The following FAM178B variants were observed in gnomAD, a reference collection of about 807,000 sequenced individuals.
FAM178B encodes the protein family with sequence similarity 178 member B.
Under a neutral mutation model 91.7 loss-of-function variants are expected in FAM178B, and 82 were observed. That is an observed-to-expected ratio of 0.89 (90% CI 0.75 to 1.07). The LOEUF (loss-of-function observed/expected upper bound fraction) is 1.07, where lower values mean the gene tolerates loss of function less well. Among genes scored for constraint, FAM178B ranks in the 50% least tolerant of loss-of-function variants. FAM178B has a pLI of 0.00. For synonymous variants in FAM178B, 368 were observed against 359.4 expected (o/e 1.02, Z -0.27); for missense variants, 769 against 846.7 (o/e 0.91, Z 1.14).
At chr2:96,905,840 A>ATG (rs2081030816) in intron 12 of FAM178B, among the ~76,000 whole-genome samples, 1 of 27,678 alleles carries the variant, frequency 3.6e-5, no homozygotes, top group African/African-American at 9.9e-5. Context: ...ATATATATAT[A>ATG]TATATATATA....
chr2:96,914,159 G>C (rs532300965), intron 12 of FAM178B, among the ~76,000 whole-genome samples: 1 of 152,256 alleles, frequency 6.6e-6, no homozygotes, highest in South Asian at 2.1e-4. Context: ...TACTCATGGG[G>C]AGGGCTGGTC....
At chr2:96,893,558 G>A (rs532939872) in intron 14 of FAM178B, among the ~76,000 whole-genome samples, 14 of 151,968 alleles carry the variant, frequency 9.2e-5, no homozygotes, top group Admixed American at 4.6e-4. Flanking sequence ...ACAACCCTGC[G>A]CTTATCCTGA....
At chr2:96,951,303 C>T (rs1227296261) in intron 7 of FAM178B, 76 bp downstream of exon 7, 2 of 1,057,338 alleles carry the variant, frequency 1.9e-6, no homozygotes, top group African/African-American at 1.6e-5. Context: ...GAAGTGCCCA[C>T]CCCTCAGCCT....
chr2:96,878,250 TG>T (rs2080295599), intron 15 of FAM178B, among the ~76,000 whole-genome samples, 165 bp downstream of exon 15: 1 of 152,112 alleles, frequency 6.6e-6, no homozygotes, highest in Admixed American at 6.5e-5. Flanking sequence ...TGGGACACTG[TG>T]GGGAGGAAGA....
chr2:96,973,617 C>T (rs930275812), intron 1 of FAM178B, among the ~76,000 whole-genome samples: 3 of 152,174 alleles, frequency 2.0e-5, no homozygotes, highest in African/African-American at 7.2e-5. Flanking sequence ...TTACAAAAAA[C>T]AAACAACAAG....
intron 6 of FAM178B, among the ~76,000 whole-genome samples, chr2:96,959,878 TCA>T (rs1361562519): frequency 6.6e-6 from 1 of 152,162 alleles, no homozygotes; most frequent in African/African-American, 2.4e-5. Flanking sequence ...AGTGTCTGCA[TCA>T]CACACACACT....
At chr2:96,941,872 G>A (rs1010297342) in intron 8 of FAM178B, among the ~76,000 whole-genome samples, 28 of 152,134 alleles carry the variant, frequency 1.8e-4, no homozygotes, top group Admixed American at 5.9e-4. Flanking sequence ...CTAGGTTAAC[G>A]GACAGTCATA....
At chr2:96,877,515 G>T (rs1343155961) in intron 16 of FAM178B, among the ~76,000 whole-genome samples, 2 of 151,768 alleles carry the variant, frequency 1.3e-5, no homozygotes, top group Non-Finnish European at 2.9e-5. Context: ...GGATTCTCCT[G>T]CCTCAGCCTC....
intron 3 of FAM178B, among the ~76,000 whole-genome samples, 191 bp downstream of exon 3, chr2:96,971,710 T>C (rs1574318745): frequency 6.6e-6 from 1 of 152,164 alleles, no homozygotes; most frequent in Non-Finnish European, 1.5e-5. Flanking sequence ...CAGGGCGAGG[T>C]GCATCCTGGC....
rs1030227128 is a variant in FAM178B at position 96,876,202 on chromosome 2, G to A, written c.*74C>T. 4.4e-5 allele frequency: 66 copies of A among 1,500,902 alleles called. No homozygotes were observed. Among genetic ancestry groups the A allele is most frequent in the Non-Finnish European group, 5.8e-5 (64 of 1,094,780 alleles). The allele number at this position is 1,500,902 out of a possible 1,614,324, so 93.0% of individuals were successfully genotyped here. A position where few individuals can be genotyped will look rare whatever the true frequency, so the allele number is the denominator to read the frequency against. On this transcript the variant is annotated 3_prime_UTR_variant, in exon 17 of 17. Coordinates refer to ENST00000490605, the MANE Select transcript of FAM178B (RefSeq NM_001122646.3). ...TGGCCTCCTCTGGCCTTGATGCTTC[G>A]CTTCCTCCAGTTCCCTGAGCCTGTT...
intron 14 of FAM178B, among the ~76,000 whole-genome samples, chr2:96,884,429 C>T (rs1478355720): frequency 6.6e-6 from 1 of 152,200 alleles, no homozygotes; most frequent in Non-Finnish European, 1.5e-5. Context: ...GGCTGCTCCC[C>T]CAGGGTGGAG....
chr2:96,963,182 C>G (rs568959488), intron 5 of FAM178B, among the ~76,000 whole-genome samples: 1 of 152,142 alleles, frequency 6.6e-6, no homozygotes, highest in African/African-American at 2.4e-5. Context: ...CCATGACTTC[C>G]GGAATGCTGG....
At chr2:96,884,739 C>T (rs1239030376) in intron 14 of FAM178B, among the ~76,000 whole-genome samples, 1 of 152,240 alleles carries the variant, frequency 6.6e-6, no homozygotes, top group Admixed American at 6.5e-5. Context: ...ACCTCTTCCC[C>T]TTGGCCAGGC....
intron 14 of FAM178B, among the ~76,000 whole-genome samples, chr2:96,890,304 A>G (rs1446092768): frequency 1.5e-5 from 2 of 129,134 alleles, no homozygotes; most frequent in Non-Finnish European, 3.6e-5. Flanking sequence ...CAAGCAATAT[A>G]AATAAATAAA....
chr2:96,889,131 GGGA>G (rs929268783), intron 14 of FAM178B, among the ~76,000 whole-genome samples: 4 of 152,196 alleles, frequency 2.6e-5, no homozygotes, highest in Non-Finnish European at 5.9e-5. Flanking sequence ...TCATCTGGCT[GGGA>G]GGAGGACATG....
intron 13 of FAM178B, chr2:96,898,039 C>G: frequency 2.0e-6 from 2 of 985,602 alleles, no homozygotes; most frequent in Non-Finnish European, 2.4e-6. Context: ...GCTTGGCCAT[C>G]AGGGACTCCT....
At chr2:96,882,190 C>A (rs528946641) in intron 14 of FAM178B, among the ~76,000 whole-genome samples, 1 of 152,366 alleles carries the variant, frequency 6.6e-6, no homozygotes, top group Admixed American at 6.5e-5. Flanking sequence ...TGTCCCCACC[C>A]TCCCACCAGA....
intron 14 of FAM178B, among the ~76,000 whole-genome samples, chr2:96,888,891 C>T (rs530716512): frequency 6.6e-6 from 1 of 152,236 alleles, no homozygotes; most frequent in African/African-American, 2.4e-5. Flanking sequence ...CACACCCCCC[C>T]TCCCCGCCAA....
chr2:96,902,548 C>T, intron 13 of FAM178B, 72 bp downstream of exon 13: 1 of 1,054,892 alleles, frequency 9.5e-7, no homozygotes, highest in East Asian at 2.6e-5. Flanking sequence ...CCTGATGTTC[C>T]TGGCCTTTGG....
Sources: allele counts gnomAD v4.1 joint callset (sites outside exome capture counted in the v4.1 genomes callset), GRCh38; gene constraint gnomAD v4.1.1; transcripts MANE v1.5; gene names NCBI Gene and HGNC (gene_info 2026-07-23, HGNC 2026-07-21).